SORCS3: variants seen among roughly 807,000 people sequenced by gnomAD.
SORCS3 encodes VPS10 domain-containing receptor SorCS3.
In SORCS3, 57 loss-of-function variants were observed where a neutral mutation model predicts 146.3. The observed-to-expected ratio is 0.39, with a 90% CI of 0.31 to 0.49. The LOEUF is 0.49. Ranked by LOEUF, SORCS3 falls within the 20% of genes least tolerant of loss-of-function variation. SORCS3 has a pLI of 0.92. For missense variants in SORCS3, 1,341 were observed against 1,575.5 expected, an observed-to-expected ratio of 0.85 and a Z score of 2.52; for synonymous variants, 653 against 618.5, an observed-to-expected ratio of 1.06 and a Z score of -0.83.
chr10:105,184,542 T>C (rs2056463013), intron 14 of SORCS3, among the ~76,000 whole-genome samples: 1 of 152,224 alleles, frequency 6.6e-6, no homozygotes, highest in South Asian at 2.1e-4. Context: ...TTTTTACATA[T>C]TTCCCCTAGC....
chr10:105,039,449 C>CCCT (rs2055325390), intron 4 of SORCS3, among the ~76,000 whole-genome samples: 1 of 136,286 alleles, frequency 7.3e-6, no homozygotes, highest in Non-Finnish European at 1.6e-5. Flanking sequence ...CTCTCTCGCT[C>CCCT]TCTTTTTTTT....
chr10:105,189,550 T>C (rs2056500086), intron 14 of SORCS3, among the ~76,000 whole-genome samples: 1 of 152,186 alleles, frequency 6.6e-6, no homozygotes, highest in Non-Finnish European at 1.5e-5. Flanking sequence ...AAGCCTTTCC[T>C]AGTTAACTGC....
chr10:105,074,728 A>G (rs980630154), intron 5 of SORCS3, among the ~76,000 whole-genome samples: 1 of 152,058 alleles, frequency 6.6e-6, no homozygotes, highest in Non-Finnish European at 1.5e-5. Flanking sequence ...ATTGATTCCA[A>G]CCTCAGTCTG....
intron 2 of SORCS3, among the ~76,000 whole-genome samples, chr10:104,914,387 G>A (rs1028575668): frequency 1.3e-5 from 2 of 152,120 alleles, no homozygotes; most frequent in African/African-American, 4.8e-5. Flanking sequence ...AGCGGTGATT[G>A]GGAGGAGGGC....
chr10:104,991,020 C>T (rs912263995), intron 4 of SORCS3, among the ~76,000 whole-genome samples: 1 of 152,170 alleles, frequency 6.6e-6, no homozygotes, highest in Non-Finnish European at 1.5e-5. Context: ...CACTGGACCT[C>T]CTGTCCCAGA....
At chr10:104,652,289 C>G (rs1296947374) in intron 1 of SORCS3, among the ~76,000 whole-genome samples, 1 of 152,068 alleles carries the variant, frequency 6.6e-6, no homozygotes, top group Non-Finnish European at 1.5e-5. Flanking sequence ...TTCTGGGATT[C>G]AGTTTCGTCA....
chr10:105,262,339 C>G lies in SORCS3; in HGVS notation c.3452C>G (p.Pro1151Arg). The change falls in exon 26 of 27, where the codon CCT (proline) becomes CGT (arginine). Residue 1151 changes from proline (P) to arginine (R), a missense_variant. Coordinates refer to ENST00000369701, the MANE Select transcript of SORCS3 (RefSeq NM_014978.3). ...FLIYKFKRKI[P>R]WINIYAQVQH... Reference sequence around the variant, plus strand: ...GCTCCTGTCCCATGTAGGAAAATCCCTTGGATTAACATCTATGCTCAAGTC... The same window carrying G: ...GCTCCTGTCCCATGTAGGAAAATCCGTTGGATTAACATCTATGCTCAAGTC... 2 of 1,612,708 alleles carry G rather than the reference C, an allele frequency of 1.2e-6. No homozygotes were observed. Among genetic ancestry groups the G allele is most frequent in the Non-Finnish European group, 1.7e-6 (2 of 1,179,042 alleles).
At chr10:105,113,431 T>A (rs770274720) in intron 7 of SORCS3, among the ~76,000 whole-genome samples, 1 of 152,226 alleles carries the variant, frequency 6.6e-6, no homozygotes, top group Non-Finnish European at 1.5e-5. Flanking sequence ...TATTCATTCA[T>A]TAAATTAAAC....
chr10:105,181,673 AT>A (rs1469159700), intron 14 of SORCS3, among the ~76,000 whole-genome samples: 3 of 152,194 alleles, frequency 2.0e-5, no homozygotes, highest in Non-Finnish European at 4.4e-5. Context: ...TTATTTAAAC[AT>A]CCCCCTGGTA....
At chr10:104,888,079 T>G (rs61867321) in intron 2 of SORCS3, among the ~76,000 whole-genome samples, 3 of 151,194 alleles carry the variant, frequency 2.0e-5, no homozygotes, top group African/African-American at 7.3e-5. Flanking sequence ...GCTCTCCCCT[T>G]GGACCTCTTT....
chr10:105,106,878 A>G (rs935473102), intron 7 of SORCS3, among the ~76,000 whole-genome samples: 1 of 152,186 alleles, frequency 6.6e-6, no homozygotes, highest in Non-Finnish European at 1.5e-5. Flanking sequence ...TATTGAACAC[A>G]TACATTGCAA....
intron 1 of SORCS3, among the ~76,000 whole-genome samples, chr10:104,839,732 G>A (rs2133544573): frequency 6.6e-6 from 1 of 152,338 alleles, no homozygotes; most frequent in Non-Finnish European, 1.5e-5. Context: ...GGAAGGATAT[G>A]TGAGTCTGGA....
intron 5 of SORCS3, among the ~76,000 whole-genome samples, chr10:105,079,166 A>G (rs2055607404): frequency 6.6e-6 from 1 of 152,206 alleles, no homozygotes. Context: ...GGAGCCCAGC[A>G]TCGGTGTTCC....
chr10:104,993,577 C>T (rs2055007031), intron 4 of SORCS3, among the ~76,000 whole-genome samples: 1 of 152,088 alleles, frequency 6.6e-6, no homozygotes, highest in African/African-American at 2.4e-5. Context: ...TGAATGTTTT[C>T]ATAATTGAAA....
intron 14 of SORCS3, among the ~76,000 whole-genome samples, chr10:105,196,972 C>T (rs1172694125): frequency 1.3e-5 from 2 of 152,152 alleles, no homozygotes; most frequent in Admixed American, 1.3e-4. Flanking sequence ...TTCCATCTTC[C>T]TGAAGTTCCA....
chr10:104,912,259 T>C (rs1027310460), intron 2 of SORCS3, among the ~76,000 whole-genome samples: 6 of 152,236 alleles, frequency 3.9e-5, no homozygotes. Context: ...CCAGCTTCAA[T>C]GTTCTTTCTC....
intron 5 of SORCS3, among the ~76,000 whole-genome samples, chr10:105,077,413 G>A (rs1286300191): frequency 6.6e-6 from 1 of 152,058 alleles, no homozygotes; most frequent in Non-Finnish European, 1.5e-5. Flanking sequence ...CCAGAAGGAT[G>A]AAGGGGCAAT....
chr10:104,940,204 T>TTATATATATATA lies in SORCS3; in HGVS notation c.795+24296_795+24307dup, dbSNP rs71022748. ...ACCGAGAGTTCCTCTTCCTTTTCTT[T>TTATATATATATA]TATATATATATATATATATATATAT... On this transcript the variant is annotated intron_variant, in intron 3 of 26. Coordinates refer to ENST00000369701, the MANE Select transcript of SORCS3 (RefSeq NM_014978.3). Among the ~76,000 whole-genome samples, 235 of 52,786 alleles carry TTATATATATATA rather than the reference T, an allele frequency of 4.5e-3. 7 individuals are homozygous for TTATATATATATA. The highest frequency in any genetic ancestry group is 8.9e-3 in the South Asian group (9 of 1,008). The allele number at this position is 52,786 out of a possible 152,430, so 34.6% of individuals were successfully genotyped here. A position where few individuals can be genotyped will look rare whatever the true frequency, so the allele number is the denominator to read the frequency against.
At chr10:104,833,285 T>A (rs2018022012) in intron 1 of SORCS3, among the ~76,000 whole-genome samples, 1 of 152,082 alleles carries the variant, frequency 6.6e-6, no homozygotes, top group Admixed American at 6.6e-5. Context: ...ATGAGAGGGG[T>A]GCTGTGCAAT....
Sources: gnomAD v4.1 joint callset for allele counts (sites outside exome capture counted in the v4.1 genomes callset) on GRCh38, gnomAD v4.1.1 for gene constraint, MANE v1.5 for transcripts, NCBI Gene and HGNC (gene_info 2026-07-23, HGNC 2026-07-21) for gene names.